The following PCNT variants were observed in gnomAD, a reference collection of about 807,000 sequenced individuals.
The protein encoded by PCNT is pericentrin, also known as kendrin.
In PCNT, 319 loss-of-function variants were observed where a neutral mutation model predicts 380.4. The observed-to-expected ratio is 0.84, with a 90% CI of 0.77 to 0.92. The LOEUF (loss-of-function observed/expected upper bound fraction) is 0.92, where lower values mean the gene tolerates loss of function less well. Among genes scored for constraint, PCNT ranks in the 40% least tolerant of loss-of-function variants. The probability of loss-of-function intolerance (pLI) is 0.00; values close to 1 mark genes in which losing one functional copy is unlikely to be tolerated. For missense variants in PCNT, 4,400 were observed against 4,255.3 expected (o/e 1.03, Z -0.95); for synonymous variants, 1,845 against 1,735.2 (o/e 1.06, Z -1.57).
chr21:46,351,625 C>T (rs2084275702), intron 9 of PCNT, 85 bp downstream of exon 9: 1 of 850,298 alleles, frequency 1.2e-6, no homozygotes, highest in East Asian at 2.4e-5. Flanking sequence ...CAGAATTTAA[C>T]AATTCTAGCA....
rs2086807950 is a variant in PCNT at position 46,412,097 on chromosome 21, T to TG, written c.5994+30_5994+31insG. On this transcript the variant is annotated intron_variant, in intron 28 of 46. Transcript: ENST00000359568. ...GCTCCCCCCGCGGGCCATGGCAGGG[T>TG]ATTTTTTTTTACTCTCCTTTTCTCC... The TG allele has an allele frequency of 6.3e-6, 10 of 1,592,550 alleles. No homozygotes were observed. The East Asian group carries it at 2.3e-4, about 36-fold the overall frequency.
chr21:46,372,043 C>T (rs974238637), intron 15 of PCNT, among the ~76,000 whole-genome samples: 7 of 151,604 alleles, frequency 4.6e-5, no homozygotes, highest in Non-Finnish European at 7.4e-5. Flanking sequence ...GCAGCACTCA[C>T]AGCATATGTG....
At chr21:46,430,315 C>T (rs1792716877) in intron 36 of PCNT, 83 bp downstream of exon 36, 2 of 1,448,166 alleles carry the variant, frequency 1.4e-6, no homozygotes, top group East Asian at 2.4e-5. Flanking sequence ...GGAGACAGAA[C>T]CTCTGGTGGG....
intron 11 of PCNT, among the ~76,000 whole-genome samples, chr21:46,354,471 C>T (rs2084400647): frequency 6.6e-6 from 1 of 152,206 alleles, no homozygotes. Context: ...ACTTCTGTCA[C>T]CTTTAACTTC....
At chr21:46,338,148 G>A (rs1198719870) in intron 3 of PCNT, among the ~76,000 whole-genome samples, 1 of 152,136 alleles carries the variant, frequency 6.6e-6, no homozygotes, top group Admixed American at 6.5e-5. Flanking sequence ...AAAATGCTGG[G>A]ATTACAGGTG....
intron 8 of PCNT, among the ~76,000 whole-genome samples, chr21:46,350,279 G>A (rs767903024): frequency 3.9e-4 from 60 of 152,110 alleles, no homozygotes; most frequent in Admixed American, 1.8e-3. Context: ...TAATAATTAC[G>A]TTCAATCTTG....
At chr21:46,372,598 G>A (rs186659633) in intron 15 of PCNT, among the ~76,000 whole-genome samples, 1 of 152,294 alleles carries the variant, frequency 6.6e-6, no homozygotes, top group Non-Finnish European at 1.5e-5. Flanking sequence ...GGTGATTATG[G>A]TACATATGGT....
At chr21:46,331,931 A>G (rs1030020582) in intron 2 of PCNT, among the ~76,000 whole-genome samples, 5 of 152,162 alleles carry the variant, frequency 3.3e-5, no homozygotes, top group Non-Finnish European at 7.3e-5. Context: ...AGGCCAAGGC[A>G]GGAAGATCAC....
At chr21:46,360,667 C>G (rs1047116527) in intron 13 of PCNT, among the ~76,000 whole-genome samples, 2 of 151,972 alleles carry the variant, frequency 1.3e-5, no homozygotes, top group Admixed American at 6.6e-5. Flanking sequence ...TACAGGCGTC[C>G]GCCACCACAC....
At chr21:46,381,202 G>C (rs964791091) in intron 15 of PCNT, among the ~76,000 whole-genome samples, 8 of 2,760 alleles carry the variant, frequency 2.9e-3, no homozygotes, top group Non-Finnish European at 2.3e-3. Flanking sequence ...ATCTCTGTGT[G>C]TGTGTGTGTG....
At chr21:46,335,384 T>A (rs777050016) in intron 3 of PCNT, among the ~76,000 whole-genome samples, 2 of 152,216 alleles carry the variant, frequency 1.3e-5, no homozygotes, top group Non-Finnish European at 2.9e-5. Context: ...TGACTACTTT[T>A]GAAGTGTTAT....
At chr21:46,439,766 A>C (rs1165675405) in intron 41 of PCNT, among the ~76,000 whole-genome samples, 1 of 152,206 alleles carries the variant, frequency 6.6e-6, no homozygotes, top group African/African-American at 2.4e-5. Flanking sequence ...GAGAGTGTTT[A>C]AGGCTTAAAG....
At chr21:46,437,122 C>A in intron 40 of PCNT, 41 bp downstream of exon 40, 1 of 1,355,960 alleles carries the variant, frequency 7.4e-7, no homozygotes, top group Middle Eastern at 2.1e-4. Flanking sequence ...CTGGCTCCTC[C>A]CCCAGAGGGG....
At position 46,441,002 on chromosome 21, in the gene PCNT, C is replaced by T; in HGVS notation, c.9541C>T (p.Pro3181Ser). ...LSMIAHLGVF[P>S]SKAERKITSR... ...CATGATTGCCCATTTGGGGGTATTTCCTTCCAAAGCAGAACGGAAAATCAC... is the reference window on the plus strand; with the variant it reads ...CATGATTGCCCATTTGGGGGTATTTTCTTCCAAAGCAGAACGGAAAATCAC... The change falls in exon 43 of 47, where the codon CCT becomes TCT. Residue 3181 changes from proline (P) to serine (S), a missense_variant. Pro to Ser is a moderately conservative substitution (Grantham distance 74). Transcript: ENST00000359568. 6.2e-7 allele frequency: 1 copy of T among 1,614,116 alleles called. No individual in the cohort carries two copies. The highest frequency in any genetic ancestry group is 8.5e-7 in the Non-Finnish European group (1 of 1,179,946).
At chr21:46,334,249 G>T in intron 2 of PCNT, 148 bp from the exon 3 acceptor site, 2 of 1,026,988 alleles carry the variant, frequency 1.9e-6, no homozygotes, top group East Asian at 4.8e-5. Context: ...TTGTTAATGC[G>T]GAAGGTGCAC....
intron 21 of PCNT, 60 bp downstream of exon 21, chr21:46,391,436 G>A (rs1333769567): frequency 1.1e-5 from 15 of 1,363,546 alleles, no homozygotes; most frequent in Middle Eastern, 2.5e-4. Flanking sequence ...CAGCTGCCAC[G>A]GTTTCCCCAG....
rs751314657 is a variant in PCNT at position 46,356,926 on chromosome 21, G to A, written c.1937-48G>A. ...GCCTGTGCGGACTGTGGGCTCCATC[G>A]AGGGCCGGCACCGGCCTGACTGTCT... is the stretch of plus-strand genomic sequence containing the variant. On this transcript the variant is annotated intron_variant, in intron 12 of 46. Transcript: ENST00000359568. 2.8e-5 allele frequency: 43 copies of A among 1,553,824 alleles called. No homozygotes were observed. The East Asian group carries it at 5.4e-4, about 19-fold the overall frequency.
At chr21:46,348,943 T>C (rs1020868881) in intron 6 of PCNT, 69 bp from the exon 7 acceptor site, 46 of 1,078,090 alleles carry the variant, frequency 4.3e-5, no homozygotes, top group Non-Finnish European at 6.4e-5. Context: ...AGGTTTTGAC[T>C]GTGTGATTTA....
intron 36 of PCNT, 90 bp from the exon 37 acceptor site, chr21:46,430,417 C>T (rs908917061): frequency 6.7e-7 from 1 of 1,497,050 alleles, no homozygotes; most frequent in Admixed American, 2.0e-5. Context: ...TGGGACCTGG[C>T]AGGGCTCTGC....
Sources: allele counts gnomAD v4.1 joint callset (sites outside exome capture counted in the v4.1 genomes callset), GRCh38; gene constraint gnomAD v4.1.1; transcripts MANE v1.5; gene names NCBI Gene and HGNC (gene_info 2026-07-23, HGNC 2026-07-21).